ARIH1: variants seen among roughly 807,000 people sequenced by gnomAD.
ARIH1 encodes the protein E3 ubiquitin-protein ligase ARIH1.
A neutral mutation model predicts 85.0 loss-of-function variants in ARIH1; 8 were observed. The ratio of observed to expected loss-of-function variants is 0.09; its 90% CI spans 0.06 to 0.17. ARIH1 has a LOEUF of 0.17. ARIH1 is among the 10% of genes least tolerant of loss of function. The pLI is 1.00. For synonymous variants in ARIH1, 238 were observed against 253.6 expected, an observed-to-expected ratio of 0.94 and a Z score of 0.59; for missense variants, 311 against 718.1, an observed-to-expected ratio of 0.43 and a Z score of 6.48.
intron 2 of ARIH1, among the ~76,000 whole-genome samples, chr15:72,523,597 G>A (rs1460836303): frequency 6.8e-6 from 1 of 147,354 alleles, no homozygotes; most frequent in Admixed American, 6.8e-5. Context: ...TTATGCATTT[G>A]TCCTGACCCA....
intron 1 of ARIH1, among the ~76,000 whole-genome samples, chr15:72,489,896 T>C (rs917524582): frequency 3.3e-5 from 5 of 152,154 alleles, no homozygotes; most frequent in African/African-American, 1.2e-4. Flanking sequence ...AACCAGTTGG[T>C]TTTTAGGAAA....
At position 72,561,495 on chromosome 15, in the gene ARIH1, A is replaced by C; in HGVS notation, c.750A>C (p.Thr250=). 1 of 1,597,818 alleles carries C rather than the reference A, an allele frequency of 6.3e-7. No homozygotes were observed. Among genetic ancestry groups the C allele is most frequent in the Non-Finnish European group, 8.6e-7 (1 of 1,168,242 alleles). The change falls in exon 6 of 14, where the codon ACA becomes ACC. Residue 250 remains threonine (T), a synonymous_variant. Coordinates refer to ENST00000379887, the MANE Select transcript of ARIH1 (RefSeq NM_005744.5). Reference sequence around the variant, plus strand: ...TTCTTGGTTTCAGGCGCCTGATCACAGATTCAAAAGTTAAATTAAAGTATC... The same window carrying C: ...TTCTTGGTTTCAGGCGCCTGATCACCGATTCAAAAGTTAAATTAAAGTATC... ...VDDNTVMRLI[T]DSKVKLKYQH...
At chr15:72,479,591 T>G (rs2063807309) in intron 1 of ARIH1, among the ~76,000 whole-genome samples, 1 of 151,950 alleles carries the variant, frequency 6.6e-6, no homozygotes, top group African/African-American at 2.4e-5. Flanking sequence ...GTATTTTTAG[T>G]AGAGACTGGG....
At chr15:72,538,243 G>A (rs1211328875) in intron 2 of ARIH1, among the ~76,000 whole-genome samples, 1 of 152,100 alleles carries the variant, frequency 6.6e-6, no homozygotes, top group African/African-American at 2.4e-5. Flanking sequence ...GCACACATCC[G>A]TAATCCGCTA....
At position 72,591,997 on chromosome 15, in the gene ARIH1, G is replaced by C. The variant is rs1204483894; in HGVS notation, c.*8705G>C. The C allele has an allele frequency of 6.6e-6, 1 of 152,180 alleles. No homozygotes were observed. Among genetic ancestry groups the C allele is most frequent in the Non-Finnish European group, 1.5e-5 (1 of 68,032 alleles). 9.4% of individuals were successfully genotyped at this position (152,180 alleles called of 1,614,324 possible). ...TATCCCAAAATCCTAGTACTAATTTGGAGTGTTGTAAAGGTCAGGGCAGCA... is the reference window on the plus strand; with the variant it reads ...TATCCCAAAATCCTAGTACTAATTTCGAGTGTTGTAAAGGTCAGGGCAGCA... On this transcript the variant is annotated 3_prime_UTR_variant, in exon 14 of 14. Coordinates refer to ENST00000379887, the MANE Select transcript of ARIH1 (RefSeq NM_005744.5).
At chr15:72,554,683 T>C (rs572317728) in intron 3 of ARIH1, among the ~76,000 whole-genome samples, 1 of 152,290 alleles carries the variant, frequency 6.6e-6, no homozygotes, top group Non-Finnish European at 1.5e-5. Context: ...CAGTGTGCTC[T>C]GCTTTATCTG....
chr15:72,595,118 A>G lies in ARIH1; in HGVS notation c.*11826A>G, dbSNP rs1214213417. ...TCTCTTTTTATTTTGTTAAGATGGT[A>G]TGTTACAGGGGTTGGCAAACTGTGG... On this transcript the variant is annotated 3_prime_UTR_variant, in exon 14 of 14. Coordinates refer to ENST00000379887, the MANE Select transcript of ARIH1 (RefSeq NM_005744.5). 1 of 152,170 alleles carries G rather than the reference A, an allele frequency of 6.6e-6. No homozygotes were observed. The allele number at this position is 152,170 out of a possible 1,614,324, so 9.4% of individuals were successfully genotyped here.
At chr15:72,478,664 A>T (rs932450632) in intron 1 of ARIH1, among the ~76,000 whole-genome samples, 2 of 152,094 alleles carry the variant, frequency 1.3e-5, no homozygotes, top group African/African-American at 4.8e-5. Flanking sequence ...AGAGATTCTT[A>T]CTCATTAATG....
intron 11 of ARIH1, among the ~76,000 whole-genome samples, chr15:72,575,873 T>C (rs1351749921): frequency 6.6e-6 from 1 of 152,264 alleles, no homozygotes; most frequent in Non-Finnish European, 1.5e-5. Flanking sequence ...GGTTTTGTTG[T>C]TTTTTCATTG....
intron 11 of ARIH1, among the ~76,000 whole-genome samples, chr15:72,580,281 A>C (rs1567361682): frequency 6.6e-6 from 1 of 152,024 alleles, no homozygotes; most frequent in Non-Finnish European, 1.5e-5. Flanking sequence ...GAGGCTGAGT[A>C]CTCGTGTGTG....
chr15:72,554,475 T>A (rs992599992), intron 3 of ARIH1, among the ~76,000 whole-genome samples: 1 of 152,126 alleles, frequency 6.6e-6, no homozygotes, highest in African/African-American at 2.4e-5. Flanking sequence ...AGCCTTGACC[T>A]CTCAGGTTCA....
chr15:72,559,196 TG>T (rs2064187231), intron 5 of ARIH1, among the ~76,000 whole-genome samples: 1 of 152,206 alleles, frequency 6.6e-6, no homozygotes. Flanking sequence ...CCTGTTTGGT[TG>T]AAAAATATTC....
chr15:72,534,959 C>CTTTTTTTTTTGTTTTTTT lies in ARIH1; in HGVS notation c.444-9851_444-9850insGTTTTTTTTTTTTTTTTT, dbSNP rs2064074656. Among the ~76,000 whole-genome samples the CTTTTTTTTTTGTTTTTTT allele has an allele frequency of 2.7e-5, 2 of 73,806 alleles. 1 individual carries two copies. Among genetic ancestry groups the CTTTTTTTTTTGTTTTTTT allele is most frequent in the Non-Finnish European group, 7.0e-5 (2 of 28,460 alleles). 48.4% of individuals were successfully genotyped at this position (73,806 alleles called of 152,430 possible). A position where few individuals can be genotyped will look rare whatever the true frequency, so the allele number is the denominator to read the frequency against. ...CCTATGTCTTCTTATTGTCTGTATT[C>CTTTTTTTTTTGTTTTTTT]TTTTTTTTTTTGAGACGGAGTCTCG... On this transcript the variant is annotated intron_variant, in intron 2 of 13. Coordinates refer to ENST00000379887, the MANE Select transcript of ARIH1 (RefSeq NM_005744.5).
chr15:72,555,415 A>G, intron 4 of ARIH1, 52 bp downstream of exon 4: 1 of 1,313,092 alleles, frequency 7.6e-7, no homozygotes, highest in Non-Finnish European at 1.1e-6. Flanking sequence ...TATAGTGTTA[A>G]GACCCTTGCA....
At chr15:72,529,788 A>G (rs993202955) in intron 2 of ARIH1, among the ~76,000 whole-genome samples, 4 of 152,218 alleles carry the variant, frequency 2.6e-5, no homozygotes, top group Non-Finnish European at 5.9e-5. Flanking sequence ...AGTTTAAGGA[A>G]TATATGTTGA....
chr15:72,582,241 T>TGATAGTAA lies in ARIH1; in HGVS notation c.1589+55_1589+56insATAGTAAG. ...ACTTTCTGCCAGTGATGATCCTTAC[T>TGATAGTAA]GGTAAAGTTCAGTGATAGTGAAACT... On this transcript the variant is annotated intron_variant, in intron 13 of 13. Coordinates refer to ENST00000379887, the MANE Select transcript of ARIH1 (RefSeq NM_005744.5). This position sits in a 1 kb window ranked among gnomAD's most constrained non-coding sequence, Gnocchi z 4.6. 1 of 1,268,948 alleles carries TGATAGTAA rather than the reference T, an allele frequency of 7.9e-7. No individual in the cohort carries two copies. The highest frequency in any genetic ancestry group is 1.1e-6 in the Non-Finnish European group (1 of 882,258). 78.6% of individuals were successfully genotyped at this position (1,268,948 alleles called of 1,614,324 possible). A position where few individuals can be genotyped will look rare whatever the true frequency, so the allele number is the denominator to read the frequency against.
intron 2 of ARIH1, among the ~76,000 whole-genome samples, chr15:72,531,120 T>A (rs1021735011): frequency 1.1e-4 from 16 of 152,332 alleles, no homozygotes; most frequent in African/African-American, 3.6e-4. Flanking sequence ...CTTTCAATTA[T>A]TGACACCTTA....
In ARIH1 at chr15:72,555,333, T is replaced by C. The variant is rs768577190; in HGVS notation, c.651T>C (p.Thr217=). The C allele has an allele frequency of 4.3e-5, 69 of 1,613,464 alleles. No individual in the cohort carries two copies. The highest frequency in any genetic ancestry group is 5.8e-5 in the Non-Finnish European group (69 of 1,179,584). The part of the protein sequence containing the change: ...FCMQCWSEYL[T]TKIMEEGMGQ... ...TGCAGTGCTGGAGTGAATATTTAAC[T>C]ACCAAAATAATGGAAGAAGGCATGG... Residue 217 remains threonine, a synonymous_variant, in exon 4 of 14, where the codon ACT becomes ACC. Transcript: ENST00000379887.
At chr15:72,491,609 C>T (rs1412182449) in intron 1 of ARIH1, among the ~76,000 whole-genome samples, 4 of 151,976 alleles carry the variant, frequency 2.6e-5, no homozygotes, top group Non-Finnish European at 4.4e-5. Flanking sequence ...TGGTACTATC[C>T]CCATTTTTTT....
Sources: gnomAD v4.1 joint callset for allele counts (sites outside exome capture counted in the v4.1 genomes callset) on GRCh38, gnomAD v4.1.1 for gene constraint, Gnocchi (gnomAD v3.1) non-coding constraint, MANE v1.5 for transcripts, NCBI Gene and HGNC (gene_info 2026-07-23, HGNC 2026-07-21) for gene names.